Variants in UBXN7 observed in about 807,000 individuals in gnomAD.
The protein encoded by UBXN7 is UBX domain-containing protein 7.
Under a neutral mutation model 58.0 loss-of-function variants are expected in UBXN7, and 9 were observed. The ratio of observed to expected loss-of-function variants is 0.16; its 90% CI spans 0.09 to 0.27. The LOEUF is 0.27. Ranked by LOEUF, UBXN7 falls within the 10% of genes least tolerant of loss-of-function variation. The probability of loss-of-function intolerance (pLI) is 1.00; values close to 1 mark genes in which losing one functional copy is unlikely to be tolerated. For missense variants in UBXN7, 328 were observed against 599.6 expected, an observed-to-expected ratio of 0.55 and a Z score of 4.73; for synonymous variants, 208 against 205.0, an observed-to-expected ratio of 1.01 and a Z score of -0.12.
chr3:196,357,109 C>A (rs1309251463), intron 10 of UBXN7, among the ~76,000 whole-genome samples: 1 of 152,144 alleles, frequency 6.6e-6, no homozygotes, highest in Admixed American at 6.6e-5. Context: ...ATAAATATAC[C>A]CAGTCACTAT....
chr3:196,424,207 G>A (rs1253017873), intron 1 of UBXN7, among the ~76,000 whole-genome samples: 1 of 151,758 alleles, frequency 6.6e-6, no homozygotes, highest in Non-Finnish European at 1.5e-5. Flanking sequence ...GATGCTTTAA[G>A]TGCCATGATA....
chr3:196,409,095 T>C (rs1414378025), intron 1 of UBXN7, among the ~76,000 whole-genome samples: 3 of 152,192 alleles, frequency 2.0e-5, no homozygotes, highest in South Asian at 2.1e-4. Flanking sequence ...TATTGTCTCT[T>C]TGAGCTGTCT....
At chr3:196,383,048 A>T (rs1729259689) in intron 5 of UBXN7, among the ~76,000 whole-genome samples, 1 of 151,750 alleles carries the variant, frequency 6.6e-6, no homozygotes, top group South Asian at 2.1e-4. Flanking sequence ...CCCAGGAGGC[A>T]GAGCTTGCAG....
rs749981900 is a variant in UBXN7 at position 196,417,724 on chromosome 3, TAAAAAAAAAAAAAAA to T, written c.74-10346_74-10332del. Among the ~76,000 whole-genome samples the T allele has an allele frequency of 1.3e-3, 42 of 31,688 alleles. 2 individuals carry two copies. Among genetic ancestry groups the T allele is most frequent in the African/African-American group, 3.7e-3 (30 of 8,028 alleles). 20.8% of individuals were successfully genotyped at this position (31,688 alleles called of 152,430 possible). A position where few individuals can be genotyped will look rare whatever the true frequency, so the allele number is the denominator to read the frequency against. On this transcript the variant is annotated intron_variant, in intron 1 of 10. Coordinates refer to ENST00000296328, the MANE Select transcript of UBXN7 (RefSeq NM_015562.2). Reference sequence around the variant, plus strand: ...TTGAGACCAGTCTGGGCAAAATGGTTAAAAAAAAAAAAAAAAAAAAAAAAAAAAAAAAACCATCTC... The same window carrying T: ...TTGAGACCAGTCTGGGCAAAATGGTTAAAAAAAAAAAAAAAAAACCATCTC...
In UBXN7 at chr3:196,349,874, A is replaced by G. The variant is rs2108820902; in HGVS notation, c.*6811T>C. On this transcript the variant is annotated 3_prime_UTR_variant, in exon 11 of 11. Transcript: ENST00000296328. ...ATAACTTCTTTTGATGAGAAAAAATATTACTTAGGTTTAGTCCAGCTTAGC... is the reference window on the plus strand; with the variant it reads ...ATAACTTCTTTTGATGAGAAAAAATGTTACTTAGGTTTAGTCCAGCTTAGC... 1 of 152,332 alleles carries G rather than the reference A, an allele frequency of 6.6e-6. No homozygotes were observed. Among genetic ancestry groups the G allele is most frequent in the South Asian group, 2.1e-4 (1 of 4,834 alleles). 9.4% of individuals were successfully genotyped at this position (152,332 alleles called of 1,614,324 possible). A position where few individuals can be genotyped will look rare whatever the true frequency, so the allele number is the denominator to read the frequency against.
At chr3:196,379,640 T>A (rs141577712) in intron 5 of UBXN7, among the ~76,000 whole-genome samples, 2 of 152,298 alleles carry the variant, frequency 1.3e-5, no homozygotes, top group African/African-American at 2.4e-5. Flanking sequence ...TCTGAAAGCA[T>A]CTGTATGGCG....
At chr3:196,424,366 TC>T (rs1671829782) in intron 1 of UBXN7, among the ~76,000 whole-genome samples, 1 of 149,792 alleles carries the variant, frequency 6.7e-6, no homozygotes, top group Non-Finnish European at 1.5e-5. Flanking sequence ...CAAGATGCCA[TC>T]CTTTCTCTTT....
intron 5 of UBXN7, among the ~76,000 whole-genome samples, chr3:196,380,063 C>G (rs1475430103): frequency 1.3e-5 from 2 of 152,070 alleles, no homozygotes; most frequent in Non-Finnish European, 2.9e-5. Flanking sequence ...TCCTGGCTAC[C>G]AGGGTGAAAC....
chr3:196,357,946 G>A (rs1728395870), intron 10 of UBXN7, among the ~76,000 whole-genome samples: 1 of 152,110 alleles, frequency 6.6e-6, no homozygotes, highest in African/African-American at 2.4e-5. Flanking sequence ...GGTGGGAGGA[G>A]AATGGCTTAA....
intron 3 of UBXN7, chr3:196,397,471 C>T (rs554907462): frequency 2.6e-5 from 4 of 152,224 alleles, no homozygotes; most frequent in Admixed American, 6.5e-5. Flanking sequence ...CACGCAGACA[C>T]GCAGTTGTAA....
At chr3:196,363,415 G>A (rs1430320892) in intron 8 of UBXN7, among the ~76,000 whole-genome samples, 1 of 151,798 alleles carries the variant, frequency 6.6e-6, no homozygotes, top group Non-Finnish European at 1.5e-5. Flanking sequence ...CCAGCACTTT[G>A]GGAGGCCCAG....
chr3:196,407,160 C>T, intron 2 of UBXN7, 86 bp downstream of exon 2: 4 of 1,521,272 alleles, frequency 2.6e-6, no homozygotes, highest in Non-Finnish European at 3.5e-6. Context: ...TATTTCAAAA[C>T]CAGAGAATCG....
intron 5 of UBXN7, among the ~76,000 whole-genome samples, chr3:196,374,256 T>C (rs1329333828): frequency 1.3e-5 from 2 of 149,782 alleles, no homozygotes; most frequent in African/African-American, 4.8e-5. Context: ...GTCCAGAGTT[T>C]AAAATGGAAG....
rs149623229 is a variant in UBXN7 at position 196,380,111 on chromosome 3, G to A, written c.469-8069C>T. 9.3e-3 allele frequency among the ~76,000 whole-genome samples: 1,413 copies of A among 152,200 alleles called. 16 individuals are homozygous for A. The highest frequency in any genetic ancestry group is 0.033 in the African/African-American group (1,351 of 41,534). On this transcript the variant is annotated intron_variant, in intron 5 of 10. Coordinates refer to ENST00000296328, the MANE Select transcript of UBXN7 (RefSeq NM_015562.2). ...AAAAAATACAAAAAATCAGCTGAGC[G>A]TGGTGGCGGGCGCCTGTGGTCCCAG...
intron 10 of UBXN7, 39 bp downstream of exon 10, chr3:196,361,805 G>T: frequency 1.3e-6 from 2 of 1,555,824 alleles, no homozygotes; most frequent in Non-Finnish European, 1.8e-6. Context: ...TCGTCTTATT[G>T]CAGTGGTCGG....
intron 5 of UBXN7, among the ~76,000 whole-genome samples, chr3:196,381,007 C>T (rs905223902): frequency 2.2e-4 from 33 of 152,362 alleles, no homozygotes; most frequent in African/African-American, 7.9e-4. Context: ...CCCACCACAG[C>T]TCAACAAGGC....
At chr3:196,425,214 G>GAATC (rs1730809764) in intron 1 of UBXN7, among the ~76,000 whole-genome samples, 2 of 152,068 alleles carry the variant, frequency 1.3e-5, no homozygotes, top group East Asian at 3.9e-4. Context: ...GTCCAAAACA[G>GAATC]AATCCTAAAC....
chr3:196,385,839 G>C (rs895957755), intron 5 of UBXN7, among the ~76,000 whole-genome samples: 18 of 151,720 alleles, frequency 1.2e-4, no homozygotes, highest in African/African-American at 4.1e-4. Context: ...TGGGAAGTGA[G>C]GAGCCCCTCT....
chr3:196,431,273 C>T (rs1425952120), intron 1 of UBXN7: 2 of 152,170 alleles, frequency 1.3e-5, no homozygotes, highest in African/African-American at 4.8e-5. Flanking sequence ...ACTAGAACGG[C>T]AAAATTACAC....
Sources: gnomAD v4.1 joint callset for allele counts (sites outside exome capture counted in the v4.1 genomes callset) on GRCh38, gnomAD v4.1.1 for gene constraint, MANE v1.5 for transcripts, NCBI Gene and HGNC (gene_info 2026-07-23, HGNC 2026-07-21) for gene names.